Variants in SHISA9 observed in about 807,000 individuals in gnomAD.
SHISA9 encodes the protein protein shisa-9.
In SHISA9, 13 loss-of-function variants were observed where a neutral mutation model predicts 38.0. That is an observed-to-expected ratio of 0.34 (90% confidence interval 0.22 to 0.54). The LOEUF (loss-of-function observed/expected upper bound fraction) is 0.54, where lower values mean the gene tolerates loss of function less well. Among genes scored for constraint, SHISA9 ranks in the 20% least tolerant of loss-of-function variants. The probability of loss-of-function intolerance (pLI) is 0.91; values close to 1 mark genes in which losing one functional copy is unlikely to be tolerated. For synonymous variants in SHISA9, 275 were observed against 242.0 expected, an observed-to-expected ratio of 1.14 and a Z score of -1.27; for missense variants, 538 against 575.8, an observed-to-expected ratio of 0.93 and a Z score of 0.67.
chr16:13,260,007 C>CTTTTTTTTTTTTTTCTTTTTTTTTT, the SHISA9 span, among the ~76,000 whole-genome samples: 1 of 60,418 alleles, frequency 1.7e-5, no homozygotes, highest in Non-Finnish European at 2.9e-5. Context: ...TTCTTTCTTT[C>CTTTTTTTTTTTTTTCTTTTTTTTTT]TTTTTTTTTT....
the SHISA9 span, among the ~76,000 whole-genome samples, chr16:13,321,802 C>A: frequency 6.6e-6 from 1 of 152,126 alleles, no homozygotes; most frequent in African/African-American, 2.4e-5. Context: ...ATAAAATAAT[C>A]TCAATAATAA....
chr16:13,296,423 CA>C, the SHISA9 span, among the ~76,000 whole-genome samples: 7 of 151,074 alleles, frequency 4.6e-5, no homozygotes, highest in East Asian at 1.2e-3. Flanking sequence ...GAACAGCACG[CA>C]GGGGGGAAAA....
chr16:13,382,498 C>G, the SHISA9 span, among the ~76,000 whole-genome samples: 2 of 116,476 alleles, frequency 1.7e-5, no homozygotes, highest in Non-Finnish European at 3.3e-5. Flanking sequence ...CCACTGCACT[C>G]AAGCCTGGAT....
chr16:12,925,113 C>T (rs1327954543), intron 2 of SHISA9, among the ~76,000 whole-genome samples: 1 of 152,190 alleles, frequency 6.6e-6, no homozygotes, highest in Non-Finnish European at 1.5e-5. Context: ...GTTGTCTTCA[C>T]AGTGAAAATG....
At chr16:13,128,175 C>T (rs760446524) in intron 2 of SHISA9, among the ~76,000 whole-genome samples, 1 of 152,162 alleles carries the variant, frequency 6.6e-6, no homozygotes, top group Admixed American at 6.5e-5. Context: ...TGCTGATTTT[C>T]TGAGCCCAGA....
chr16:13,458,382 C>A, the SHISA9 span: 2 of 377,136 alleles, frequency 5.3e-6, no homozygotes, highest in Non-Finnish European at 1.0e-5. Flanking sequence ...CAAATGGAAG[C>A]AAACTTTATG....
the SHISA9 span, among the ~76,000 whole-genome samples, chr16:13,514,867 A>G: frequency 6.6e-6 from 1 of 152,152 alleles, no homozygotes. Flanking sequence ...GAAAAAGAGG[A>G]AATTATAGAA....
chr16:13,181,858 A>G (rs1312528970), intron 2 of SHISA9, among the ~76,000 whole-genome samples: 2 of 152,200 alleles, frequency 1.3e-5, no homozygotes, highest in South Asian at 2.1e-4. Flanking sequence ...TGTGTTGGGC[A>G]GGAAGGGATT....
At chr16:12,933,931 T>TGATGGGAGAAAAAATAACAAG in intron 2 of SHISA9, among the ~76,000 whole-genome samples, 1 of 151,716 alleles carries the variant, frequency 6.6e-6, no homozygotes, top group South Asian at 2.1e-4. Flanking sequence ...ATGAGGAAGG[T>TGATGGGAGAAAAAATAACAAG]GATGGGAGAA....
chr16:12,910,634 T>C, intron 1 of SHISA9: 1 of 985,482 alleles, frequency 1.0e-6, no homozygotes, highest in Non-Finnish European at 1.2e-6. Context: ...TTCAACATAA[T>C]TGTTGTTTTA....
chr16:13,259,540 C>G, the SHISA9 span, among the ~76,000 whole-genome samples: 1 of 152,376 alleles, frequency 6.6e-6, no homozygotes, highest in African/African-American at 2.4e-5. Flanking sequence ...AGAGGTTCTC[C>G]ATGAGGGCCC....
intron 2 of SHISA9, among the ~76,000 whole-genome samples, chr16:13,103,756 A>G (rs1041162881): frequency 1.3e-5 from 2 of 152,152 alleles, no homozygotes; most frequent in Admixed American, 1.3e-4. Context: ...CATAGTGTCC[A>G]CCATGTTTTT....
the SHISA9 span, among the ~76,000 whole-genome samples, chr16:13,345,208 G>T: frequency 6.6e-6 from 1 of 151,958 alleles, no homozygotes; most frequent in East Asian, 1.9e-4. Context: ...CATCACTCAG[G>T]TATTAAGCCT....
intron 2 of SHISA9, among the ~76,000 whole-genome samples, chr16:13,196,793 TA>T (rs1208503490): frequency 6.6e-6 from 1 of 152,182 alleles, no homozygotes; most frequent in Non-Finnish European, 1.5e-5. Flanking sequence ...AGAGTTTGTT[TA>T]AAAAATTTAT....
chr16:12,943,393 T>G (rs962285061), intron 2 of SHISA9, among the ~76,000 whole-genome samples: 2 of 77,034 alleles, frequency 2.6e-5, no homozygotes, highest in Non-Finnish European at 5.3e-5. Flanking sequence ...GAGAGAGAGA[T>G]CCTCAGGGGA....
the SHISA9 span, among the ~76,000 whole-genome samples, chr16:13,494,593 A>T: frequency 6.6e-6 from 1 of 152,206 alleles, no homozygotes; most frequent in Non-Finnish European, 1.5e-5. Context: ...TCTACAAGGC[A>T]TCTGGTATGC....
At chr16:12,968,558 G>A (rs78427008) in intron 2 of SHISA9, among the ~76,000 whole-genome samples, 377 of 152,252 alleles carry the variant, frequency 2.5e-3, no homozygotes, top group African/African-American at 8.6e-3. Flanking sequence ...CTTTGTAATC[G>A]TAAAATGAAA....
At chr16:13,375,598 G>A in the SHISA9 span, among the ~76,000 whole-genome samples, 1 of 151,998 alleles carries the variant, frequency 6.6e-6, no homozygotes, top group African/African-American at 2.4e-5. Context: ...TTTGAAGTCA[G>A]GTAGCGTGAC....
At chr16:13,216,126 G>C (rs1219955569) in intron 4 of SHISA9, among the ~76,000 whole-genome samples, 1 of 149,180 alleles carries the variant, frequency 6.7e-6, no homozygotes, top group Non-Finnish European at 1.5e-5. Context: ...GATGGAGTTT[G>C]CAGTGAGCCA....
Sources: gnomAD v4.1 joint callset for allele counts (sites outside exome capture counted in the v4.1 genomes callset) on GRCh38, gnomAD v4.1.1 for gene constraint, MANE v1.5 for transcripts, NCBI Gene and HGNC (gene_info 2026-07-23, HGNC 2026-07-21) for gene names.